COL4A4: variants seen among roughly 807,000 people sequenced by gnomAD.
COL4A4 encodes the protein collagen alpha-4(IV) chain.
A neutral mutation model predicts 192.9 loss-of-function variants in COL4A4; 105 were observed. The observed-to-expected ratio is 0.54, with a 90% CI of 0.46 to 0.64. COL4A4 has a LOEUF of 0.64. COL4A4 is among the 30% of genes least tolerant of loss of function. The pLI, the probability that COL4A4 is intolerant of heterozygous loss-of-function variation, is 0.00. For missense variants in COL4A4, 1,967 were observed against 2,169.3 expected (o/e 0.91, Z 1.85); for synonymous variants, 762 against 769.9 (o/e 0.99, Z 0.17).
chr2:227,122,721 C>T (rs745886581), intron 4 of COL4A4, among the ~76,000 whole-genome samples: 37 of 152,178 alleles, frequency 2.4e-4, no homozygotes, highest in Non-Finnish European at 4.7e-4. Context: ...CAGACAATCG[C>T]ATAGCATGAA....
At chr2:227,131,350 T>G (rs1352139518) in intron 4 of COL4A4, among the ~76,000 whole-genome samples, 1 of 152,038 alleles carries the variant, frequency 6.6e-6, no homozygotes, top group African/African-American at 2.4e-5. Context: ...AGAGACAGGT[T>G]TTCGCCATGT....
At chr2:227,043,356 C>G (rs1486016695) in intron 35 of COL4A4, among the ~76,000 whole-genome samples, 172 bp from the exon 36 acceptor site, 2 of 152,168 alleles carry the variant, frequency 1.3e-5, no homozygotes, top group Admixed American at 6.5e-5. Flanking sequence ...TGCCCATAAT[C>G]CCACCAGCTT....
chr2:226,988,658 A>AT, the COL4A4 span: 1 of 984,984 alleles, frequency 1.0e-6, no homozygotes, highest in African/African-American at 1.7e-5. Context: ...GGAAGGTAGG[A>AT]TTTTAATATT....
intron 25 of COL4A4, among the ~76,000 whole-genome samples, chr2:227,068,431 ACCAATATCC>A (rs2058490502): frequency 6.6e-6 from 1 of 152,202 alleles, no homozygotes; most frequent in African/African-American, 2.4e-5. Flanking sequence ...AGAATTTTAG[ACCAATATCC>A]TTGATGAACA....
In COL4A4 at chr2:227,007,174, C is replaced by T. The variant is rs1962319006; in HGVS notation, c.*151G>A. 4 of 1,099,546 alleles carry T rather than the reference C, an allele frequency of 3.6e-6. No homozygotes were observed. Among genetic ancestry groups the T allele is most frequent in the Non-Finnish European group, 5.6e-6 (4 of 718,290 alleles). The allele number at this position is 1,099,546 out of a possible 1,614,324, so 68.1% of individuals were successfully genotyped here. A position where few individuals can be genotyped will look rare whatever the true frequency, so the allele number is the denominator to read the frequency against. On this transcript the variant is annotated 3_prime_UTR_variant, in exon 48 of 48. Transcript: ENST00000396625. ...CAGCATTTGCTTAATGTGTAAGGAA[C>T]CAGAGGACTCTGGGAATAACCACGA... is the stretch of plus-strand genomic sequence containing the variant.
At chr2:227,104,672 C>T in intron 12 of COL4A4, among the ~76,000 whole-genome samples, 1 of 132,848 alleles carries the variant, frequency 7.5e-6, no homozygotes, top group Non-Finnish European at 1.6e-5. Context: ...TGGAGTTTCA[C>T]TCTTGTTGCC....
chr2:226,969,556 T>C, the COL4A4 span, among the ~76,000 whole-genome samples: 238 of 152,256 alleles, frequency 1.6e-3, 1 homozygote, highest in Admixed American at 0.01. Flanking sequence ...TCTTAGGTAA[T>C]GGCCATTAAG....
intron 12 of COL4A4, among the ~76,000 whole-genome samples, chr2:227,106,557 ATCTT>A (rs1227829917): frequency 3.7e-5 from 1 of 26,902 alleles, no homozygotes; most frequent in Non-Finnish European, 1.1e-4. Flanking sequence ...TCAATATTTT[ATCTT>A]ATTTTATTTA....
At chr2:226,988,339 A>C in the COL4A4 span, 3 of 1,549,478 alleles carry the variant, frequency 1.9e-6, no homozygotes, top group East Asian at 7.3e-5. Flanking sequence ...CAGGAAAACC[A>C]GGTCATAAAG....
At chr2:227,145,466 C>G (rs2063491427) in intron 2 of COL4A4, among the ~76,000 whole-genome samples, 1 of 152,056 alleles carries the variant, frequency 6.6e-6, no homozygotes, top group Non-Finnish European at 1.5e-5. Context: ...AAACAAAACA[C>G]CCATTAAACA....
At position 227,052,359 on chromosome 2, in the gene COL4A4, C is replaced by T. The variant is rs767704202; in HGVS notation, c.2914G>A (p.Gly972Arg). Residue 972 changes from glycine (G) to arginine (R), a missense_variant, in exon 32 of 48, where the codon GGA becomes AGA. Gly to Arg is a moderately radical substitution (Grantham distance 125). Transcript: ENST00000396625. ...GGAGGTCCAGGTTCCCCAGGTGTTC[C>T]CTTTTGTGAAATGATAGCCATTTCT... ...EGEMAIISQK[G>R]TPGEPGPPGD... 3.7e-6 allele frequency: 6 copies of T among 1,613,648 alleles called. No individual in the cohort carries two copies. Among genetic ancestry groups the T allele is most frequent in the Admixed American group, 1.7e-5 (1 of 60,014 alleles).
At position 227,059,572 on chromosome 2, in the gene COL4A4, G is replaced by A. The variant is rs1190375982; in HGVS notation, c.2216C>T (p.Ser739Phe). The stretch of plus-strand genomic sequence containing the variant: ...GGGAGGGCCTGGGGGCCCAACAGGG[G>A]AGGACCCCTTTTCACCTCCAAAACC... ...DPGFGGEKGS[S>F]PVGPPGPPGS... The change falls in exon 28 of 48, where the codon TCC (serine) becomes TTC (phenylalanine). Residue 739 changes from serine (S) to phenylalanine (F), a missense_variant. Transcript: ENST00000396625. The A allele has an allele frequency of 3.7e-6, 6 of 1,614,072 alleles. No individual in the cohort carries two copies. In the African/African-American group the frequency reaches 6.7e-5, roughly 18 times the overall value.
chr2:227,051,545 C>T (rs1974096051), intron 32 of COL4A4, among the ~76,000 whole-genome samples: 1 of 152,176 alleles, frequency 6.6e-6, no homozygotes, highest in African/African-American at 2.4e-5. Flanking sequence ...GTCAAAAATC[C>T]TCGCTCTGCA....
At chr2:226,989,126 C>T in the COL4A4 span, among the ~76,000 whole-genome samples, 1 of 152,238 alleles carries the variant, frequency 6.6e-6, no homozygotes. Context: ...GACTCAGCCA[C>T]TGACCAGCTA....
intron 1 of COL4A4, among the ~76,000 whole-genome samples, chr2:227,149,787 T>C (rs772647314): frequency 1.3e-5 from 2 of 152,188 alleles, no homozygotes; most frequent in African/African-American, 2.4e-5. Context: ...GTGGTCACGT[T>C]CCAGAGAGGG....
chr2:227,103,216 A>G lies in COL4A4; in HGVS notation c.817-19T>C, dbSNP rs1345787843. ...TTATACCCTAAAAATTACAATGAAT[A>G]TAATTTGGTCTATTCTTATTATTTA... On this transcript the variant is annotated intron_variant, in intron 13 of 47. Transcript: ENST00000396625. 6 of 1,594,866 alleles carry G rather than the reference A, an allele frequency of 3.8e-6. No homozygotes were observed. Among genetic ancestry groups the G allele is most frequent in the Non-Finnish European group, 5.2e-6 (6 of 1,163,790 alleles).
At chr2:227,011,407 G>T (rs1360607353) in intron 45 of COL4A4, among the ~76,000 whole-genome samples, 1 of 152,144 alleles carries the variant, frequency 6.6e-6, no homozygotes, top group Non-Finnish European at 1.5e-5. Context: ...AGAGTGTAGA[G>T]TGTAGGCCCA....
chr2:227,049,423 A>G (rs1973574162), intron 34 of COL4A4, among the ~76,000 whole-genome samples: 1 of 152,264 alleles, frequency 6.6e-6, no homozygotes, highest in Non-Finnish European at 1.5e-5. Context: ...CATATAGCCT[A>G]TGGCTGCTTT....
intron 27 of COL4A4, 46 bp downstream of exon 27, chr2:227,060,090 T>G: frequency 1.2e-6 from 1 of 864,112 alleles, no homozygotes. Context: ...CTGATAGATA[T>G]TCCCAAAGCA....
Sources: allele counts gnomAD v4.1 joint callset (sites outside exome capture counted in the v4.1 genomes callset), GRCh38; gene constraint gnomAD v4.1.1; transcripts MANE v1.5; gene names NCBI Gene and HGNC (gene_info 2026-07-23, HGNC 2026-07-21).